CEP128: variants seen among roughly 807,000 people sequenced by gnomAD.
CEP128 encodes centrosomal protein 128.
In CEP128, 132 loss-of-function variants were observed where a neutral mutation model predicts 156.7. The observed-to-expected ratio is 0.84, with a 90% confidence interval of 0.73 to 0.97. The LOEUF (loss-of-function observed/expected upper bound fraction) is 0.97. Among genes scored for constraint, CEP128 ranks in the 50% least tolerant of loss-of-function variants. The probability of loss-of-function intolerance (pLI) is 0.00; values close to 1 mark genes in which losing one functional copy is unlikely to be tolerated. For synonymous variants in CEP128, 469 were observed against 448.9 expected (o/e 1.04, Z -0.57); for missense variants, 1,252 against 1,281.9 (o/e 0.98, Z 0.36).
intron 13 of CEP128, among the ~76,000 whole-genome samples, chr14:80,820,684 C>T (rs1824551076): frequency 6.6e-6 from 1 of 152,206 alleles, no homozygotes; most frequent in African/African-American, 2.4e-5. Context: ...CTAGAGATAG[C>T]TCTCTGAAAC....
At chr14:80,670,142 C>A (rs2140925441) in intron 19 of CEP128, among the ~76,000 whole-genome samples, 1 of 152,250 alleles carries the variant, frequency 6.6e-6, no homozygotes, top group Admixed American at 6.5e-5. Flanking sequence ...AAATCCACCC[C>A]CATGATACAA....
At chr14:80,743,873 A>G (rs925412680) in intron 18 of CEP128, among the ~76,000 whole-genome samples, 1 of 133,924 alleles carries the variant, frequency 7.5e-6, no homozygotes, top group South Asian at 2.4e-4. Flanking sequence ...TCTCTCTCTC[A>G]CTCTTTTTTT....
At chr14:80,798,315 G>A (rs1257331237) in intron 13 of CEP128, among the ~76,000 whole-genome samples, 1 of 152,246 alleles carries the variant, frequency 6.6e-6, no homozygotes, top group Non-Finnish European at 1.5e-5. Context: ...ATTATGTTAA[G>A]ATTTATTAAA....
chr14:80,528,209 A>T (rs1394111694), intron 22 of CEP128, among the ~76,000 whole-genome samples: 1 of 152,246 alleles, frequency 6.6e-6, no homozygotes, highest in East Asian at 1.9e-4. Context: ...TTTGTGGCAG[A>T]TTGGACTTAG....
At chr14:80,796,363 G>A (rs1417697582) in intron 13 of CEP128, among the ~76,000 whole-genome samples, 1 of 152,088 alleles carries the variant, frequency 6.6e-6, no homozygotes, top group Non-Finnish European at 1.5e-5. Context: ...AGGAGGCTGA[G>A]GCATAAGAAC....
intron 19 of CEP128, among the ~76,000 whole-genome samples, chr14:80,627,471 G>T (rs947996356): frequency 1.3e-5 from 2 of 152,166 alleles, no homozygotes; most frequent in Non-Finnish European, 2.9e-5. Context: ...CATTACTAAT[G>T]CTGTTGGCAG....
intron 19 of CEP128, among the ~76,000 whole-genome samples, chr14:80,701,814 G>T: frequency 6.6e-6 from 1 of 151,936 alleles, no homozygotes; most frequent in East Asian, 1.9e-4. Flanking sequence ...ACTCCTCTTG[G>T]CTCACCCTGT....
At chr14:80,571,222 T>C (rs980865900) in intron 20 of CEP128, among the ~76,000 whole-genome samples, 21 of 152,198 alleles carry the variant, frequency 1.4e-4, no homozygotes, top group African/African-American at 4.8e-4. Flanking sequence ...GATTCATCAC[T>C]GAGATCATAT....
chr14:80,587,058 A>T (rs1212370511), intron 19 of CEP128, among the ~76,000 whole-genome samples: 2 of 148,726 alleles, frequency 1.3e-5, no homozygotes, highest in African/African-American at 2.5e-5. Context: ...TTTTTTTTTT[A>T]AATCACCCTT....
chr14:80,543,579 C>T (rs903525789), intron 21 of CEP128, among the ~76,000 whole-genome samples: 1 of 152,174 alleles, frequency 6.6e-6, no homozygotes, highest in African/African-American at 2.4e-5. Context: ...CAACCACTGG[C>T]TGTGAAAAAT....
At chr14:80,857,745 AAC>A (rs1566674687) in intron 9 of CEP128, among the ~76,000 whole-genome samples, 25 of 140,022 alleles carry the variant, frequency 1.8e-4, no homozygotes, top group East Asian at 6.1e-4. Flanking sequence ...AAAAAAAAAC[AAC>A]AACAACAACA....
intron 19 of CEP128, among the ~76,000 whole-genome samples, chr14:80,588,365 A>G (rs1891907314): frequency 6.6e-6 from 1 of 152,100 alleles, no homozygotes; most frequent in Non-Finnish European, 1.5e-5. Context: ...CAATGTAAAT[A>G]TATCCTGGGC....
At chr14:80,911,619 T>C (rs1238491067) in intron 4 of CEP128, among the ~76,000 whole-genome samples, 2 of 152,236 alleles carry the variant, frequency 1.3e-5, no homozygotes, top group African/African-American at 4.8e-5. Context: ...CCCCCGCTCT[T>C]TTCTGCATCT....
intron 14 of CEP128, among the ~76,000 whole-genome samples, chr14:80,789,233 C>A (rs575623092): frequency 6.6e-6 from 1 of 152,154 alleles, no homozygotes; most frequent in African/African-American, 2.4e-5. Context: ...AATCCAGAAA[C>A]TGGCTAGTAA....
downstream of CEP128, among the ~76,000 whole-genome samples, chr14:80,486,279 A>T (rs547171654): frequency 5.3e-5 from 8 of 152,338 alleles, no homozygotes; most frequent in South Asian, 1.7e-3. Context: ...GTGATGGAAG[A>T]TGAAATGAAC....
chr14:80,590,329 G>A (rs770971008), intron 19 of CEP128, among the ~76,000 whole-genome samples: 13 of 152,000 alleles, frequency 8.6e-5, no homozygotes, highest in Non-Finnish European at 1.5e-4. Context: ...AAAAACCAAA[G>A]GAAAAGAACA....
chr14:80,724,574 A>G (rs1897940703), intron 19 of CEP128, among the ~76,000 whole-genome samples: 1 of 152,074 alleles, frequency 6.6e-6, no homozygotes, highest in African/African-American at 2.4e-5. Flanking sequence ...TCTGGAATTA[A>G]CCTCTGAAAA....
chr14:80,742,937 A>T (rs567126216), intron 19 of CEP128, 138 bp downstream of exon 19: 1 of 708,186 alleles, frequency 1.4e-6, no homozygotes, highest in Non-Finnish European at 2.3e-6. Flanking sequence ...AAGAAAGATA[A>T]GAAGACAAAG....
chr14:80,664,166 C>T (rs572294257), intron 19 of CEP128, among the ~76,000 whole-genome samples: 10 of 152,096 alleles, frequency 6.6e-5, no homozygotes, highest in Non-Finnish European at 1.3e-4. Flanking sequence ...CTAGGTAATA[C>T]CTAAAAATCA....
Sources: allele counts gnomAD v4.1 joint callset (sites outside exome capture counted in the v4.1 genomes callset), GRCh38; gene constraint gnomAD v4.1.1; transcripts MANE v1.5; gene names NCBI Gene and HGNC (gene_info 2026-07-23, HGNC 2026-07-21).